Variants in KCNIP4 observed in about 807,000 individuals in gnomAD.
The protein encoded by KCNIP4 is Kv channel-interacting protein 4.
A neutral mutation model predicts 34.0 loss-of-function variants in KCNIP4; 12 were observed. The ratio of observed to expected loss-of-function variants is 0.35; its 90% CI spans 0.23 to 0.57. The LOEUF (loss-of-function observed/expected upper bound fraction) is 0.57. Among genes scored for constraint, KCNIP4 ranks in the 20% least tolerant of loss-of-function variants. The probability of loss-of-function intolerance (pLI) is 0.83; values close to 1 mark genes in which losing one functional copy is unlikely to be tolerated. For missense variants in KCNIP4, 238 were observed against 311.7 expected (o/e 0.76, Z 1.78); for synonymous variants, 124 against 102.2 (o/e 1.21, Z -1.29).
At chr4:21,262,670 G>T (rs755878291) in intron 1 of KCNIP4, among the ~76,000 whole-genome samples, 1 of 152,080 alleles carries the variant, frequency 6.6e-6, no homozygotes, top group Non-Finnish European at 1.5e-5. Context: ...TTCTCTGGGA[G>T]CAATTTCTAA....
chr4:21,483,190 A>C (rs963747900), intron 1 of KCNIP4, among the ~76,000 whole-genome samples: 4 of 151,954 alleles, frequency 2.6e-5, no homozygotes, highest in Admixed American at 6.6e-5. Flanking sequence ...ACAAACCTGC[A>C]TGTTGTGCAC....
At chr4:20,741,004 T>C (rs528578019) in intron 5 of KCNIP4, among the ~76,000 whole-genome samples, 1 of 152,286 alleles carries the variant, frequency 6.6e-6, no homozygotes, top group African/African-American at 2.4e-5. Flanking sequence ...AAGGGATCAA[T>C]TCAACAAGAA....
At chr4:21,389,439 A>G (rs949838634) in intron 1 of KCNIP4, among the ~76,000 whole-genome samples, 1 of 140,996 alleles carries the variant, frequency 7.1e-6, no homozygotes, top group Non-Finnish European at 1.5e-5. Context: ...TCTCCTAATG[A>G]TATCCCTCCC....
chr4:21,113,541 T>C lies in KCNIP4; in HGVS notation c.62-230832A>G, dbSNP rs183006828. On this transcript the variant is annotated intron_variant, in intron 1 of 8. Coordinates refer to ENST00000382152, the MANE Select transcript of KCNIP4 (RefSeq NM_025221.6). ...CAGTTGAGTTAGTATCTCTGGGACT[T>C]AATCTAGAATAAGGATTCCAAAAAT... Among the ~76,000 whole-genome samples, 379 of 151,592 alleles carry C rather than the reference T, an allele frequency of 2.5e-3. 5 individuals are homozygous for C. Among genetic ancestry groups the C allele is most frequent in the African/African-American group, 8.7e-3 (359 of 41,340 alleles).
chr4:21,479,273 TG>T (rs1731234126), intron 1 of KCNIP4, among the ~76,000 whole-genome samples: 1 of 151,986 alleles, frequency 6.6e-6, no homozygotes, highest in Non-Finnish European at 1.5e-5. Context: ...TAAAGCAAAA[TG>T]GAAAATATTT....
intron 1 of KCNIP4, among the ~76,000 whole-genome samples, chr4:21,334,685 A>G (rs1296548704): frequency 2.0e-5 from 3 of 151,758 alleles, no homozygotes; most frequent in East Asian, 1.9e-4. Flanking sequence ...TCACACCCCC[A>G]CCCCAGGCAA....
At chr4:21,820,283 G>GTATATATATA (rs1288802050) in intron 1 of KCNIP4, among the ~76,000 whole-genome samples, 34 of 127,452 alleles carry the variant, frequency 2.7e-4, no homozygotes, top group African/African-American at 8.5e-4. Flanking sequence ...ATGTGTGTGT[G>GTATATATATA]TGTATATATA....
intron 1 of KCNIP4, among the ~76,000 whole-genome samples, chr4:21,667,763 T>A (rs1160461990): frequency 6.6e-6 from 1 of 152,216 alleles, no homozygotes; most frequent in Non-Finnish European, 1.5e-5. Context: ...TTTGGGAGAA[T>A]TAAGCTAAAG....
intron 1 of KCNIP4, among the ~76,000 whole-genome samples, chr4:21,797,578 C>T (rs1720706293): frequency 6.6e-6 from 1 of 152,110 alleles, no homozygotes; most frequent in African/African-American, 2.4e-5. Context: ...GAGTTTTCCA[C>T]ATTTGAATGC....
rs1011175021 is a variant in KCNIP4 at position 21,503,446 on chromosome 4, A to G, written c.61+445125T>C. On this transcript the variant is annotated intron_variant, in intron 1 of 8. Transcript: ENST00000382152. Reference sequence around the variant, plus strand: ...ATCATCCTAATAAGTCATGAATCATATAATAGCAATTTCAACTGTAATAAG... The same window carrying G: ...ATCATCCTAATAAGTCATGAATCATGTAATAGCAATTTCAACTGTAATAAG... Among the ~76,000 whole-genome samples the G allele has an allele frequency of 3.3e-5, 5 of 152,352 alleles. No individual in the cohort carries two copies. In the Middle Eastern group the frequency reaches 0.014, roughly 415 times the overall value.
intron 2 of KCNIP4, among the ~76,000 whole-genome samples, chr4:20,864,045 C>CAT (rs1553908234): frequency 1.9e-4 from 25 of 134,288 alleles, no homozygotes; most frequent in Middle Eastern, 4.1e-3. Context: ...TATGTATACG[C>CAT]ATGTATGTAT....
chr4:20,797,072 A>C (rs1033686496), intron 3 of KCNIP4, among the ~76,000 whole-genome samples: 3 of 152,190 alleles, frequency 2.0e-5, no homozygotes. Context: ...ATAAAAATTC[A>C]ATTTCAGACC....
At chr4:21,723,876 G>C (rs2109099578) in intron 1 of KCNIP4, among the ~76,000 whole-genome samples, 1 of 152,024 alleles carries the variant, frequency 6.6e-6, no homozygotes, top group Non-Finnish European at 1.5e-5. Context: ...CTCTCTGTAG[G>C]GCATTAAGGC....
intron 1 of KCNIP4, among the ~76,000 whole-genome samples, chr4:21,905,137 T>C (rs1294726625): frequency 6.6e-6 from 1 of 152,142 alleles, no homozygotes; most frequent in South Asian, 2.1e-4. Flanking sequence ...ATAAAATGAT[T>C]AGATACAATT....
intron 1 of KCNIP4, among the ~76,000 whole-genome samples, chr4:21,246,071 G>A (rs534544717): frequency 6.6e-5 from 10 of 152,066 alleles, no homozygotes; most frequent in Non-Finnish European, 1.0e-4. Context: ...TGTAGAACAC[G>A]ATAGCTAATT....
Position 20,925,775 on chromosome 4 carries a change from C to T in KCNIP4, c.62-43066G>A, listed in dbSNP as rs548019947. ...ATTACATGGTTACAATTTATTATTA[C>T]GTGGCAGGAGGACACAAAACAAAAT... On this transcript the variant is annotated intron_variant, in intron 1 of 8. Transcript: ENST00000382152. Among the ~76,000 whole-genome samples, 305 of 152,180 alleles carry T rather than the reference C, an allele frequency of 2.0e-3. 1 individual carries two copies. Among genetic ancestry groups the T allele is most frequent in the African/African-American group, 7.1e-3 (294 of 41,540 alleles).
intron 1 of KCNIP4, among the ~76,000 whole-genome samples, chr4:21,395,650 T>C (rs535450513): frequency 1.1e-3 from 167 of 152,274 alleles, no homozygotes; most frequent in African/African-American, 3.8e-3. Flanking sequence ...ATTAACATAA[T>C]AAAAATTTGT....
chr4:21,765,158 C>CTT (rs35619474), intron 1 of KCNIP4, among the ~76,000 whole-genome samples: 1,984 of 146,314 alleles, frequency 0.014, 51 homozygotes, highest in African/African-American at 0.047. Context: ...TGAAGAGAAC[C>CTT]TTTTTTTTTT....
chr4:21,539,566 G>C (rs1187072910), intron 1 of KCNIP4, among the ~76,000 whole-genome samples: 1 of 152,106 alleles, frequency 6.6e-6, no homozygotes, highest in East Asian at 1.9e-4. Context: ...TTACAGATTT[G>C]TATCAGATCT....
Sources: gnomAD v4.1 joint callset for allele counts (sites outside exome capture counted in the v4.1 genomes callset) on GRCh38, gnomAD v4.1.1 for gene constraint, MANE v1.5 for transcripts, NCBI Gene and HGNC (gene_info 2026-07-23, HGNC 2026-07-21) for gene names.